ARHGAP32: variants seen among roughly 807,000 people sequenced by gnomAD.
ARHGAP32 encodes the protein rho GTPase-activating protein 32.
A neutral mutation model predicts 186.5 loss-of-function variants in ARHGAP32; 51 were observed. The ratio of observed to expected loss-of-function variants is 0.27; its 90% CI spans 0.22 to 0.35. ARHGAP32 has a LOEUF of 0.35. Ranked by LOEUF, ARHGAP32 falls within the 10% of genes least tolerant of loss-of-function variation. ARHGAP32 has a pLI of 1.00. For missense variants in ARHGAP32, 2,186 were observed against 2,623.5 expected (o/e 0.83, Z 3.64); for synonymous variants, 950 against 964.3 (o/e 0.99, Z 0.27).
intron 5 of ARHGAP32, among the ~76,000 whole-genome samples, chr11:129,108,362 G>C (rs1477312601): frequency 6.6e-6 from 1 of 152,064 alleles, no homozygotes; most frequent in African/African-American, 2.4e-5. Flanking sequence ...ACTAGTATCA[G>C]ACAAAATAGA....
At chr11:128,984,370 G>C (rs112788127) in intron 15 of ARHGAP32, among the ~76,000 whole-genome samples, 3,516 of 150,498 alleles carry the variant, frequency 0.023, 67 homozygotes, top group African/African-American at 0.055. Flanking sequence ...GTGAGACCCT[G>C]CCTCAAAAAA....
At chr11:128,993,651 T>C (rs1192254891) in intron 12 of ARHGAP32, among the ~76,000 whole-genome samples, 4 of 151,894 alleles carry the variant, frequency 2.6e-5, no homozygotes, top group African/African-American at 9.7e-5. Context: ...TATACACACA[T>C]ATGATATAAC....
At chr11:129,150,933 T>TAAA (rs1177863265) in intron 2 of ARHGAP32, among the ~76,000 whole-genome samples, 2 of 139,320 alleles carry the variant, frequency 1.4e-5, no homozygotes, top group Non-Finnish European at 3.1e-5. Flanking sequence ...CAGAATGAAT[T>TAAA]AAAAAAAAAA....
intron 1 of ARHGAP32, among the ~76,000 whole-genome samples, chr11:129,265,884 ACTAAT>A (rs1025754295): frequency 6.6e-6 from 1 of 152,208 alleles, no homozygotes; most frequent in African/African-American, 2.4e-5. Flanking sequence ...TAAATATAAT[ACTAAT>A]CTAAAGAAGA....
chr11:129,260,139 CAT>C (rs1945303904), intron 1 of ARHGAP32, among the ~76,000 whole-genome samples: 5 of 152,178 alleles, frequency 3.3e-5, no homozygotes, highest in Non-Finnish European at 4.4e-5. Flanking sequence ...CTGAGACCGG[CAT>C]GAGCATTACA....
intron 11 of ARHGAP32, among the ~76,000 whole-genome samples, chr11:129,000,761 C>T (rs1946337480): frequency 6.6e-6 from 1 of 151,908 alleles, no homozygotes; most frequent in African/African-American, 2.4e-5. Context: ...TATTCCCCAC[C>T]CCCCCACCAT....
rs756629868 is a variant in ARHGAP32, at chr11:128,970,065, G to A, written c.5148C>T (p.Tyr1716=). 1.2e-5 allele frequency: 19 copies of A among 1,614,070 alleles called. No homozygotes were observed. In the East Asian group the frequency reaches 4.0e-4, roughly 34 times the overall value. ...YNPRLQGKSL[Y]SYAGLAPRPR... ...GACGTGGAGCCAAACCAGCATAACT[G>A]TACAAGCTCTTTCCTTGCAGCCTAG... Residue 1716 remains tyrosine, a synonymous_variant, in exon 23 of 23, where the codon TAC becomes TAT. Coordinates refer to ENST00000682385, the MANE Select transcript of ARHGAP32 (RefSeq NM_001378024.1). This position sits in a 1 kb window ranked among gnomAD's most constrained non-coding sequence, Gnocchi z 5.8.
chr11:129,193,673 T>A (rs1347661073), upstream of ARHGAP32, among the ~76,000 whole-genome samples: 35 of 49,694 alleles, frequency 7.0e-4, no homozygotes, highest in African/African-American at 2.3e-3. Context: ...ATATTATATA[T>A]AATATATAAT....
At chr11:129,252,764 T>G (rs1565481563) in intron 1 of ARHGAP32, among the ~76,000 whole-genome samples, 1 of 152,202 alleles carries the variant, frequency 6.6e-6, no homozygotes, top group Non-Finnish European at 1.5e-5. Flanking sequence ...TCGGGGAGGC[T>G]ACCTCCTTGT....
chr11:129,267,920 T>C lies in ARHGAP32; in HGVS notation c.-5+11226A>G, dbSNP rs545260257. On this transcript the variant is annotated intron_variant, in intron 1 of 6. Transcript: ENST00000525234. ...AGGCTCTTTTCCACAACCAGCTCTC[T>C]GTGGGGAACTAACGGAGGGACAGCT... 6.6e-5 allele frequency among the ~76,000 whole-genome samples: 10 copies of C among 152,180 alleles called. No homozygotes were observed. In the South Asian group the frequency reaches 1.3e-3, roughly 19 times the overall value.
chr11:129,042,755 T>G (rs1939646569), intron 10 of ARHGAP32, among the ~76,000 whole-genome samples: 2 of 152,216 alleles, frequency 1.3e-5, no homozygotes, highest in Non-Finnish European at 2.9e-5. Flanking sequence ...CAGTTTGGTC[T>G]CCAGCAGAGA....
At chr11:129,094,380 T>C (rs1346313569) in intron 5 of ARHGAP32, among the ~76,000 whole-genome samples, 1 of 152,144 alleles carries the variant, frequency 6.6e-6, no homozygotes, top group Non-Finnish European at 1.5e-5. Flanking sequence ...AGATTTGAAA[T>C]TTAAAATTTC....
chr11:128,969,385 G>A lies in ARHGAP32; in HGVS notation c.5828C>T (p.Ala1943Val), dbSNP rs760677992. 32 of 1,614,086 alleles carry A rather than the reference G, an allele frequency of 2.0e-5. No individual in the cohort carries two copies. Among genetic ancestry groups the A allele is most frequent in the Admixed American group, 3.3e-5 (2 of 60,010 alleles). ...CAGTCTTAAAGATTCTTGCCCGGAT[G>A]CAGCATATTTTACTCCAGAGTTGTG... ...SYHNSGVKYAASGQESLRLNH... is the reference protein window; with the variant it reads ...SYHNSGVKYAVSGQESLRLNH... The change falls in exon 23 of 23, where the codon GCA becomes GTA. Residue 1943 changes from alanine to valine, a missense_variant. Ala to Val is a moderately conservative substitution (Grantham distance 64, BLOSUM62 0). Coordinates refer to ENST00000682385, the MANE Select transcript of ARHGAP32 (RefSeq NM_001378024.1). The surrounding 1 kb of genome is among the most constrained non-coding windows in gnomAD (Gnocchi z 4.8).
intron 1 of ARHGAP32, among the ~76,000 whole-genome samples, chr11:129,209,405 G>A (rs1944552418): frequency 6.6e-6 from 1 of 151,588 alleles, no homozygotes; most frequent in Admixed American, 6.6e-5. Flanking sequence ...AAGAAAAAAA[G>A]TAGGATTCTA....
At chr11:129,046,734 A>G (rs1939822595) in intron 10 of ARHGAP32, among the ~76,000 whole-genome samples, 1 of 152,176 alleles carries the variant, frequency 6.6e-6, no homozygotes, top group Non-Finnish European at 1.5e-5. Flanking sequence ...AGAGTTAACA[A>G]CAGAACCTAA....
Position 128,974,417 on chromosome 11 carries a change from A to G in ARHGAP32, c.2780T>C (p.Val927Ala). 1 of 1,614,180 alleles carries G rather than the reference A, an allele frequency of 6.2e-7. No homozygotes were observed. The highest frequency in any genetic ancestry group is 8.5e-7 in the Non-Finnish European group (1 of 1,179,994). The change falls in exon 21 of 23, where the codon GTG becomes GCG. Residue 927 changes from valine to alanine, a missense_variant. Around this residue, in one of 5 missense-constraint regions of ARHGAP32, gnomAD observed 1,502 missense variants for 1,570.0 expected, o/e 0.96. Coordinates refer to ENST00000682385, the MANE Select transcript of ARHGAP32 (RefSeq NM_001378024.1). ...PSMSISEPISVTLPPRVSEVI... is the reference protein window; with the variant it reads ...PSMSISEPISATLPPRVSEVI... ...TTCTGACACCCGTGGTGGTAGGGTCACTGAAATTGGCTCAGATATGCTCAT... is the reference window on the plus strand; with the variant it reads ...TTCTGACACCCGTGGTGGTAGGGTCGCTGAAATTGGCTCAGATATGCTCAT...
chr11:129,248,790 A>G (rs577830853), intron 1 of ARHGAP32, among the ~76,000 whole-genome samples: 93 of 152,196 alleles, frequency 6.1e-4, no homozygotes, highest in Non-Finnish European at 1.0e-3. Flanking sequence ...GACTCAAGCT[A>G]GAGTTAACTA....
At chr11:129,144,435 T>TA (rs997228171) in intron 2 of ARHGAP32, among the ~76,000 whole-genome samples, 2 of 152,090 alleles carry the variant, frequency 1.3e-5, no homozygotes, top group African/African-American at 4.8e-5. Context: ...GCAATTTTAC[T>TA]AAAAAAACAC....
chr11:129,019,493 T>C (rs886451799), intron 11 of ARHGAP32, among the ~76,000 whole-genome samples: 1 of 152,272 alleles, frequency 6.6e-6, no homozygotes, highest in African/African-American at 2.4e-5. Context: ...AGAACAGGTA[T>C]GTTAAATAAA....
Sources: allele counts gnomAD v4.1 joint callset (sites outside exome capture counted in the v4.1 genomes callset), GRCh38; gene constraint gnomAD v4.1.1; regional missense constraint gnomAD v4.1.1; non-coding constraint Gnocchi (gnomAD v3.1); transcripts MANE v1.5; gene names NCBI Gene and HGNC (gene_info 2026-07-23, HGNC 2026-07-21).